The following PRKDC variants were observed in gnomAD, a reference collection of about 807,000 sequenced individuals.
PRKDC encodes the protein protein kinase, DNA-activated, catalytic subunit.
Under a neutral mutation model 486.9 loss-of-function variants are expected in PRKDC, and 82 were observed. The observed-to-expected ratio is 0.17, with a 90% CI of 0.14 to 0.20. The LOEUF (loss-of-function observed/expected upper bound fraction) is 0.20. Among genes scored for constraint, PRKDC ranks in the 10% least tolerant of loss-of-function variants. PRKDC has a pLI of 1.00. For missense variants in PRKDC, 4,504 were observed against 5,038.2 expected (o/e 0.89, Z 3.21); for synonymous variants, 1,895 against 1,837.0 (o/e 1.03, Z -0.81).
At chr8:47,877,961 A>C (rs1208101138) in intron 39 of PRKDC, 110 bp from the exon 40 acceptor site, 2 of 785,112 alleles carry the variant, frequency 2.5e-6, no homozygotes, top group Non-Finnish European at 1.7e-6. Flanking sequence ...TAAAAAATAT[A>C]ACATACAGAA....
chr8:47,809,289 A>G (rs1202845920), intron 68 of PRKDC, among the ~76,000 whole-genome samples: 1 of 152,104 alleles, frequency 6.6e-6, no homozygotes, highest in Non-Finnish European at 1.5e-5. Context: ...TGGGCTCCTC[A>G]TCCCCACACC....
rs773606420 is a variant in PRKDC, at chr8:47,831,887, C to T, written c.8192G>A (p.Arg2731Gln). ...GRTDLLRLRR[R>Q]FMRDQEKLSL... ...GAGCTTCTCCTGGTCCCTCATAAAC[C>T]GTCTGCGCAGTCGTAGTAGGTCCGT... Residue 2731 changes from arginine (R) to glutamine (Q), a missense_variant, in exon 60 of 86, where the codon CGG becomes CAG. Around this residue, in one of 6 missense-constraint regions of PRKDC, gnomAD observed 1,592 missense variants for 1,724.6 expected, o/e 0.92. Coordinates refer to ENST00000314191, the MANE Select transcript of PRKDC (RefSeq NM_006904.7). 1.9e-6 allele frequency: 3 copies of T among 1,613,978 alleles called. No homozygotes were observed. The highest frequency in any genetic ancestry group is 4.5e-5 in the East Asian group (2 of 44,878).
In PRKDC at chr8:47,957,151, G is replaced by A; in HGVS notation, c.324+20C>T. On this transcript the variant is annotated intron_variant, in intron 3 of 85. Transcript: ENST00000314191. ...AGATGTTGATATATAATGTAATAAGGTATGTTTTTTAATTCTTACCTTAAT... is the reference window on the plus strand; with the variant it reads ...AGATGTTGATATATAATGTAATAAGATATGTTTTTTAATTCTTACCTTAAT... 6.8e-7 allele frequency: 1 copy of A among 1,463,060 alleles called. No individual in the cohort carries two copies. Among genetic ancestry groups the A allele is most frequent in the Non-Finnish European group, 9.5e-7 (1 of 1,053,242 alleles). 90.6% of individuals were successfully genotyped at this position (1,463,060 alleles called of 1,614,324 possible). A position where few individuals can be genotyped will look rare whatever the true frequency, so the allele number is the denominator to read the frequency against.
intron 52 of PRKDC, among the ~76,000 whole-genome samples, chr8:47,851,887 T>A (rs1010996169): frequency 1.3e-5 from 2 of 152,112 alleles, no homozygotes; most frequent in African/African-American, 2.4e-5. Flanking sequence ...ACAGAGCACC[T>A]TATCCCAGTG....
chr8:47,886,620 G>A (rs991024992), intron 35 of PRKDC, among the ~76,000 whole-genome samples: 7 of 152,004 alleles, frequency 4.6e-5, no homozygotes, highest in Non-Finnish European at 1.0e-4. Context: ...TCGAACTCCT[G>A]ACCTCAAGCA....
intron 61 of PRKDC, 149 bp from the exon 62 acceptor site, chr8:47,828,496 A>G: frequency 1.6e-6 from 1 of 630,478 alleles, no homozygotes; most frequent in Non-Finnish European, 2.6e-6. Flanking sequence ...GCAGGCATTG[A>G]CAAGGGGAGC....
At chr8:47,891,183 T>C (rs2089448265) in intron 31 of PRKDC, among the ~76,000 whole-genome samples, 1 of 152,206 alleles carries the variant, frequency 6.6e-6, no homozygotes, top group Non-Finnish European at 1.5e-5. Flanking sequence ...CTAACTGTAG[T>C]TTATTACTCC....
At chr8:47,939,181 G>C (rs1024682751) in intron 11 of PRKDC, among the ~76,000 whole-genome samples, 1 of 152,176 alleles carries the variant, frequency 6.6e-6, no homozygotes, top group Non-Finnish European at 1.5e-5. Context: ...AGCAGACACT[G>C]AAGAAATCTT....
chr8:47,820,663 TAATA>T, intron 66 of PRKDC, 52 bp downstream of exon 66: 3 of 890,282 alleles, frequency 3.4e-6, no homozygotes, highest in Non-Finnish European at 3.0e-6. Context: ...ATCCACATTA[TAATA>T]TATATATACA....
intron 35 of PRKDC, among the ~76,000 whole-genome samples, 194 bp downstream of exon 35, chr8:47,887,353 G>A (rs2089359170): frequency 6.6e-6 from 1 of 152,026 alleles, no homozygotes; most frequent in Non-Finnish European, 1.5e-5. Context: ...TAAAAAGAAT[G>A]TTGTTCTATT....
chr8:47,893,788 G>A (rs2089515813), intron 30 of PRKDC, among the ~76,000 whole-genome samples: 1 of 152,204 alleles, frequency 6.6e-6, no homozygotes, highest in South Asian at 2.1e-4. Flanking sequence ...CACACAGTAA[G>A]TGCAGTGTTT....
chr8:47,858,182 C>T (rs1291053128), intron 48 of PRKDC, among the ~76,000 whole-genome samples: 2 of 151,794 alleles, frequency 1.3e-5, no homozygotes, highest in Non-Finnish European at 2.9e-5. Context: ...TTTTCTCCCC[C>T]GCTCCACCCC....
intron 62 of PRKDC, 57 bp downstream of exon 62, chr8:47,828,111 G>C (rs1370041879): frequency 6.6e-7 from 1 of 1,505,004 alleles, no homozygotes; most frequent in Non-Finnish European, 9.1e-7. Context: ...ATGATGGAAA[G>C]GCCATGTGAA....
chr8:47,798,814 T>TC (rs1458842291), intron 72 of PRKDC, among the ~76,000 whole-genome samples: 1 of 151,520 alleles, frequency 6.6e-6, no homozygotes, highest in Non-Finnish European at 1.5e-5. Flanking sequence ...ATTGTCTCTC[T>TC]CTTTTTTTTT....
intron 36 of PRKDC, among the ~76,000 whole-genome samples, chr8:47,882,388 C>T (rs1316918704): frequency 6.6e-6 from 1 of 152,186 alleles, no homozygotes; most frequent in Non-Finnish European, 1.5e-5. Context: ...GTCACCACCA[C>T]CACCACTGTA....
At chr8:47,789,111 A>G (rs749334249) in intron 75 of PRKDC, 40 bp downstream of exon 75, 1 of 1,612,456 alleles carries the variant, frequency 6.2e-7, no homozygotes, top group Non-Finnish European at 8.5e-7. Context: ...GTTTTACCCA[A>G]CTTATATGTT....
At chr8:47,823,202 G>C (rs1347866762) in intron 64 of PRKDC, among the ~76,000 whole-genome samples, 1 of 151,888 alleles carries the variant, frequency 6.6e-6, no homozygotes, top group East Asian at 1.9e-4. Flanking sequence ...CAGGCATGTT[G>C]GTGCATGCCT....
At position 47,782,422 on chromosome 8, in the gene PRKDC, C is replaced by G; in HGVS notation, c.11352G>C (p.Arg3784Ser). ...CGCTATAGGTCCTCAGCTGCAGGGCCCTCTGGCTGCAGGCGGAGTCTTGGG... is the reference window on the plus strand; with the variant it reads ...CGCTATAGGTCCTCAGCTGCAGGGCGCTCTGGCTGCAGGCGGAGTCTTGGG... ...ILAQDSACSQ[R>S]ALQLRTYSVV... Residue 3784 changes from arginine (R) to serine (S), a missense_variant, in exon 79 of 86, where the codon AGG becomes AGC. This residue lies in a region of PRKDC where 706 missense variants were observed against 945.0 expected (regional missense o/e 0.75). Transcript: ENST00000314191. This position sits in a 1 kb window ranked among gnomAD's most constrained non-coding sequence, Gnocchi z 4.9. The G allele has an allele frequency of 6.2e-7, 1 of 1,602,052 alleles. No individual in the cohort carries two copies. The highest frequency in any genetic ancestry group is 1.3e-5 in the African/African-American group (1 of 74,878).
chr8:47,880,915 C>T (rs751194433), intron 38 of PRKDC, among the ~76,000 whole-genome samples: 30 of 151,710 alleles, frequency 2.0e-4, no homozygotes, highest in Middle Eastern at 3.2e-3. Flanking sequence ...GGCCTGGTGG[C>T]GCACACCTGT....
Sources: gnomAD v4.1 joint callset for allele counts (sites outside exome capture counted in the v4.1 genomes callset) on GRCh38, gnomAD v4.1.1 for gene constraint, gnomAD v4.1.1 regional missense constraint, Gnocchi (gnomAD v3.1) non-coding constraint, MANE v1.5 for transcripts, NCBI Gene and HGNC (gene_info 2026-07-23, HGNC 2026-07-21) for gene names.